Variants in FSTL4 observed in about 807,000 individuals in gnomAD.
FSTL4 encodes follistatin like 4.
In FSTL4, 28 loss-of-function variants were observed where a neutral mutation model predicts 78.2. The observed-to-expected ratio is 0.36, with a 90% CI of 0.27 to 0.49. The LOEUF (loss-of-function observed/expected upper bound fraction) is 0.49. FSTL4 is among the 20% of genes least tolerant of loss of function. FSTL4 has a pLI of 0.98. For synonymous variants in FSTL4, 422 were observed against 440.5 expected (o/e 0.96, Z 0.53); for missense variants, 922 against 1,084.9 (o/e 0.85, Z 2.11).
intron 3 of FSTL4, among the ~76,000 whole-genome samples, chr5:133,459,534 A>G (rs1176536576): frequency 6.6e-6 from 1 of 152,222 alleles, no homozygotes; most frequent in Non-Finnish European, 1.5e-5. Context: ...TCAAAAATCT[A>G]CCTTAGAGTT....
chr5:133,502,829 T>G (rs1038793438), intron 3 of FSTL4, among the ~76,000 whole-genome samples: 3 of 152,200 alleles, frequency 2.0e-5, no homozygotes, highest in African/African-American at 7.2e-5. Flanking sequence ...TCTCAGGTAT[T>G]TCTTTATAGC....
intron 4 of FSTL4, among the ~76,000 whole-genome samples, chr5:133,377,748 C>A (rs1243855413): frequency 1.3e-5 from 2 of 152,012 alleles, no homozygotes; most frequent in African/African-American, 4.8e-5. Flanking sequence ...GGATTAATGG[C>A]TAAAAACTTC....
chr5:133,443,063 C>G (rs2127004354), intron 3 of FSTL4, among the ~76,000 whole-genome samples: 1 of 152,350 alleles, frequency 6.6e-6, no homozygotes, highest in East Asian at 1.9e-4. Context: ...CATTCTTGTT[C>G]CATATGGACC....
chr5:133,822,872 G>T, the FSTL4 span, among the ~76,000 whole-genome samples: 4 of 152,142 alleles, frequency 2.6e-5, no homozygotes, highest in South Asian at 2.1e-4. Context: ...ATGTGGGAAG[G>T]AAATGTGATT....
At chr5:133,255,878 G>A (rs998964033) in intron 6 of FSTL4, among the ~76,000 whole-genome samples, 5 of 152,118 alleles carry the variant, frequency 3.3e-5, no homozygotes, top group African/African-American at 7.2e-5. Context: ...AATCTCAGGC[G>A]CTATTTCTCA....
the FSTL4 span, among the ~76,000 whole-genome samples, chr5:133,767,672 G>T: frequency 6.6e-6 from 1 of 152,356 alleles, no homozygotes; most frequent in East Asian, 1.9e-4. Flanking sequence ...AGAAGGATGA[G>T]AATGGGGGCC....
chr5:133,814,221 G>T, the FSTL4 span, among the ~76,000 whole-genome samples: 4 of 152,218 alleles, frequency 2.6e-5, no homozygotes, highest in Non-Finnish European at 4.4e-5. Flanking sequence ...AGGGCTGGCT[G>T]GGTCTTCGTG....
At chr5:133,739,971 T>G in the FSTL4 span, among the ~76,000 whole-genome samples, 13 of 151,714 alleles carry the variant, frequency 8.6e-5, no homozygotes, top group Non-Finnish European at 1.5e-4. Context: ...CAACTCACTG[T>G]GCCCTCAATC....
At chr5:133,266,574 C>T (rs1469748745) in intron 6 of FSTL4, 1 of 152,270 alleles carries the variant, frequency 6.6e-6, no homozygotes, top group Non-Finnish European at 1.5e-5. Context: ...TGCATATCAG[C>T]AGAACCTGGG....
intron 3 of FSTL4, among the ~76,000 whole-genome samples, chr5:133,443,789 T>C (rs1757208641): frequency 6.6e-6 from 1 of 152,174 alleles, no homozygotes; most frequent in South Asian, 2.1e-4. Context: ...TGCACCATAT[T>C]CCAGCCACAC....
chr5:133,684,694 G>A, the FSTL4 span, among the ~76,000 whole-genome samples: 16 of 152,158 alleles, frequency 1.1e-4, no homozygotes, highest in Admixed American at 1.3e-4. Context: ...CAGGGGACTC[G>A]AAGCATTTCA....
intron 3 of FSTL4, among the ~76,000 whole-genome samples, chr5:133,483,686 T>C (rs1457509585): frequency 1.3e-5 from 2 of 152,174 alleles, no homozygotes; most frequent in African/African-American, 2.4e-5. Flanking sequence ...TGTGTTTCAG[T>C]AAGGCACAGG....
At chr5:133,436,937 G>A (rs954540929) in intron 3 of FSTL4, among the ~76,000 whole-genome samples, 6 of 152,238 alleles carry the variant, frequency 3.9e-5, no homozygotes, top group Non-Finnish European at 8.8e-5. Context: ...TGGTATTGGA[G>A]ATAGAGAGAA....
chr5:133,459,967 G>A (rs1364276559), intron 3 of FSTL4, among the ~76,000 whole-genome samples: 1 of 152,158 alleles, frequency 6.6e-6, no homozygotes, highest in East Asian at 1.9e-4. Flanking sequence ...AACACATGAG[G>A]CTGATTCACA....
At chr5:133,645,443 G>A in the FSTL4 span, among the ~76,000 whole-genome samples, 4 of 152,090 alleles carry the variant, frequency 2.6e-5, no homozygotes, top group African/African-American at 7.2e-5. Flanking sequence ...CAAGGGTAAG[G>A]GCCTCTGAGG....
intron 3 of FSTL4, among the ~76,000 whole-genome samples, chr5:133,401,589 C>T (rs1353698031): frequency 6.6e-6 from 1 of 152,176 alleles, no homozygotes; most frequent in African/African-American, 2.4e-5. Context: ...CAAGTCATAC[C>T]TTTCCCTCTT....
intron 3 of FSTL4, among the ~76,000 whole-genome samples, chr5:133,468,262 C>T (rs1580728669): frequency 1.3e-5 from 2 of 152,346 alleles, no homozygotes; most frequent in South Asian, 4.1e-4. Flanking sequence ...TCTTAGTGCC[C>T]TGTGGGTGTC....
At chr5:133,451,891 C>A (rs1299434165) in intron 3 of FSTL4, among the ~76,000 whole-genome samples, 1 of 152,206 alleles carries the variant, frequency 6.6e-6, no homozygotes, top group Non-Finnish European at 1.5e-5. Flanking sequence ...ATCGAGATTG[C>A]GCATGAGCTA....
At chr5:133,760,905 T>C in the FSTL4 span, among the ~76,000 whole-genome samples, 279 of 152,282 alleles carry the variant, frequency 1.8e-3, no homozygotes, top group African/African-American at 6.1e-3. Context: ...TAGATTCAAG[T>C]CACACCATAA....
Sources: gnomAD v4.1 joint callset for allele counts (sites outside exome capture counted in the v4.1 genomes callset) on GRCh38, gnomAD v4.1.1 for gene constraint, MANE v1.5 for transcripts, NCBI Gene and HGNC (gene_info 2026-07-23, HGNC 2026-07-21) for gene names.